Variants in C4orf51 observed in about 807,000 individuals in gnomAD.
C4orf51 encodes uncharacterized protein C4orf51.
C4orf51 carries 25 observed loss-of-function variants against 25.2 expected under a neutral mutation model. The observed-to-expected ratio is 0.99, with a 90% CI of 0.72 to 1.39. C4orf51 has a LOEUF of 1.39. Ranked by LOEUF, C4orf51 falls within the 40% of genes most tolerant of loss-of-function variation. The pLI, the probability that C4orf51 is intolerant of heterozygous loss-of-function variation, is 0.00. For missense variants in C4orf51, 252 were observed against 239.6 expected, an observed-to-expected ratio of 1.05 and a Z score of -0.34; for synonymous variants, 100 against 84.5, an observed-to-expected ratio of 1.18 and a Z score of -1.01.
At chr4:145,751,981 G>A (rs923360668) in intron 1 of C4orf51, among the ~76,000 whole-genome samples, 1 of 152,062 alleles carries the variant, frequency 6.6e-6, no homozygotes, top group Non-Finnish European at 1.5e-5. Context: ...TTCCCTTAAG[G>A]CCCAAGGGCT....
At chr4:145,748,466 A>T (rs1159524040) in intron 1 of C4orf51, among the ~76,000 whole-genome samples, 1 of 151,916 alleles carries the variant, frequency 6.6e-6, no homozygotes, top group Non-Finnish European at 1.5e-5. Flanking sequence ...TAGTTCTTTA[A>T]TATACATCAT....
At chr4:145,680,920 T>A (rs900593895) in intron 1 of C4orf51, among the ~76,000 whole-genome samples, 2 of 152,164 alleles carry the variant, frequency 1.3e-5, no homozygotes, top group Admixed American at 1.3e-4. Flanking sequence ...AACTTCAGTT[T>A]ATAAAGTGAC....
chr4:145,779,016 G>A, the C4orf51 span, among the ~76,000 whole-genome samples: 1 of 152,064 alleles, frequency 6.6e-6, no homozygotes, highest in African/African-American at 2.4e-5. Flanking sequence ...CTTTTCCCTG[G>A]CTGCTCCCAC....
intron 2 of C4orf51, among the ~76,000 whole-genome samples, chr4:145,699,264 T>C (rs12509479): frequency 0.44 from 40,291 of 91,286 alleles, 10,589 homozygotes; most frequent in Middle Eastern, 0.53. Context: ...TTCACACGGA[T>C]GCGCAAGAAA....
Position 145,732,438 on chromosome 4 carries a change from GC to G in C4orf51, c.502-13del, listed in dbSNP as rs756958158. The G allele has an allele frequency of 4.4e-6, 7 of 1,575,982 alleles. No homozygotes were observed. The African/African-American group carries it at 9.4e-5, about 21-fold the overall frequency. On this transcript the variant is annotated splice_polypyrimidine_tract_variant and intron_variant, in intron 5 of 5. Transcript: ENST00000438731. ...CGGATGAGCGAGTGTTGACAACCAG[GC>G]CATTTTTCTCCAGCTTCATGGACGG...
At chr4:145,726,296 T>TTTATGATTTA in intron 2 of C4orf51, among the ~76,000 whole-genome samples, 1 of 152,360 alleles carries the variant, frequency 6.6e-6, no homozygotes, top group East Asian at 1.9e-4. Context: ...ACCTCAAACA[T>TTTATGATTTA]TTATGATTTA....
At chr4:145,729,388 G>T (rs1433996205) in intron 4 of C4orf51, among the ~76,000 whole-genome samples, 159 bp downstream of exon 4, 1 of 136,632 alleles carries the variant, frequency 7.3e-6, no homozygotes, top group Non-Finnish European at 1.5e-5. Flanking sequence ...TGCAAGCTCT[G>T]CCTCCCACGT....
At chr4:145,684,159 G>A (rs1025786100) in intron 1 of C4orf51, among the ~76,000 whole-genome samples, 6 of 152,218 alleles carry the variant, frequency 3.9e-5, no homozygotes, top group Admixed American at 2.0e-4. Context: ...TCACCAAAGG[G>A]ATACACAGTT....
chr4:145,703,812 T>C (rs1437810822), intron 2 of C4orf51, among the ~76,000 whole-genome samples: 2 of 152,250 alleles, frequency 1.3e-5, no homozygotes, highest in African/African-American at 2.4e-5. Context: ...TTCTTTCTTT[T>C]ATATGTCGAT....
At chr4:145,689,272 T>C (rs1254558531) in intron 1 of C4orf51, among the ~76,000 whole-genome samples, 1 of 151,922 alleles carries the variant, frequency 6.6e-6, no homozygotes, top group Non-Finnish European at 1.5e-5. Context: ...TTAGATAAAT[T>C]TTGAGTTACC....
In C4orf51 at chr4:145,689,773, A is replaced by G. The variant is rs189588415; in HGVS notation, c.234-6786A>G. On this transcript the variant is annotated intron_variant, in intron 1 of 5. Coordinates refer to ENST00000438731, the MANE Select transcript of C4orf51 (RefSeq NM_001080531.3). ...ACAAAAATAAAAAAGGAGAAAGGAC[A>G]TACTATTCATTAAATGGTGCTGGGA... Among the ~76,000 whole-genome samples the G allele has an allele frequency of 6.8e-4, 104 of 152,314 alleles. 1 individual carries two copies. The highest frequency in any genetic ancestry group is 3.4e-3 in the Middle Eastern group (1 of 294).
chr4:145,740,314 T>C (rs898697707), intron 1 of C4orf51, among the ~76,000 whole-genome samples: 1 of 65,632 alleles, frequency 1.5e-5, no homozygotes, highest in Non-Finnish European at 4.0e-5. Context: ...TTTTCAAAAC[T>C]GCATTTTACA....
chr4:145,702,381 C>G (rs1425368070), intron 2 of C4orf51, among the ~76,000 whole-genome samples: 1 of 152,036 alleles, frequency 6.6e-6, no homozygotes, highest in African/African-American at 2.4e-5. Context: ...TTCATCCCAG[C>G]CTCTCTTTGC....
rs1048411244 is a variant in C4orf51 at position 145,702,550 on chromosome 4, A to G, written c.307+5918A>G. 5.9e-5 allele frequency among the ~76,000 whole-genome samples: 9 copies of G among 152,236 alleles called. 1 individual carries two copies. In the East Asian group the frequency reaches 7.7e-4, roughly 13 times the overall value. ...ATTCACCGTTCTCAACTACTCATAC[A>G]TGCCCTGCTCTTGTTTACACTGCCG... On this transcript the variant is annotated intron_variant, in intron 2 of 5. Coordinates refer to ENST00000438731, the MANE Select transcript of C4orf51 (RefSeq NM_001080531.3).
chr4:145,683,488 C>T (rs1322934231), intron 1 of C4orf51, among the ~76,000 whole-genome samples: 1 of 152,186 alleles, frequency 6.6e-6, no homozygotes, highest in Non-Finnish European at 1.5e-5. Context: ...ACTGACACTA[C>T]CCAACTTTAA....
At chr4:145,695,166 G>A (rs1374096029) in intron 1 of C4orf51, among the ~76,000 whole-genome samples, 3 of 152,238 alleles carry the variant, frequency 2.0e-5, no homozygotes, top group Non-Finnish European at 4.4e-5. Context: ...TTGTCATACT[G>A]CTTTCCACAG....
chr4:145,754,596 C>T (rs539823547), downstream of C4orf51, among the ~76,000 whole-genome samples: 9 of 152,270 alleles, frequency 5.9e-5, no homozygotes, highest in South Asian at 4.1e-4. Flanking sequence ...ACCCTCAAGA[C>T]GACTGCAGGC....
chr4:145,692,480 G>A (rs1008870551), intron 1 of C4orf51, among the ~76,000 whole-genome samples: 1 of 152,162 alleles, frequency 6.6e-6, no homozygotes, highest in African/African-American at 2.4e-5. Context: ...CAAATCTACT[G>A]AAGAATAATT....
At chr4:145,685,583 G>A (rs549679258) in intron 1 of C4orf51, among the ~76,000 whole-genome samples, 12 of 152,228 alleles carry the variant, frequency 7.9e-5, no homozygotes, top group Admixed American at 2.0e-4. Flanking sequence ...TAATTAGATC[G>A]GAACAAAACA....
Sources: gnomAD v4.1 joint callset for allele counts (sites outside exome capture counted in the v4.1 genomes callset) on GRCh38, gnomAD v4.1.1 for gene constraint, MANE v1.5 for transcripts, NCBI Gene and HGNC (gene_info 2026-07-23, HGNC 2026-07-21) for gene names.